The following ROBO2 variants were observed in gnomAD, a reference collection of about 807,000 sequenced individuals.
ROBO2 encodes the protein roundabout homolog 2.
Under a neutral mutation model 160.8 loss-of-function variants are expected in ROBO2, and 53 were observed. The ratio of observed to expected loss-of-function variants is 0.33; its 90% CI spans 0.26 to 0.41. ROBO2 has a LOEUF of 0.41. Ranked by LOEUF, ROBO2 falls within the 10% of genes least tolerant of loss-of-function variation. The probability of loss-of-function intolerance (pLI) is 1.00; values close to 1 mark genes in which losing one functional copy is unlikely to be tolerated. For synonymous variants in ROBO2, 664 were observed against 611.7 expected (o/e 1.09, Z -1.26); for missense variants, 1,577 against 1,722.4 (o/e 0.92, Z 1.49).
chr3:76,701,659 T>G (rs915590239), intron 2 of ROBO2, among the ~76,000 whole-genome samples: 1 of 152,042 alleles, frequency 6.6e-6, no homozygotes, highest in Non-Finnish European at 1.5e-5. Flanking sequence ...CCCAAATCAA[T>G]TCTGGCCCAA....
intron 2 of ROBO2, among the ~76,000 whole-genome samples, chr3:76,489,972 T>C (rs567053766): frequency 6.6e-6 from 1 of 152,262 alleles, no homozygotes; most frequent in Non-Finnish European, 1.5e-5. Context: ...ATTTCAAAAA[T>C]AAAACAAAAG....
At chr3:76,370,217 T>C (rs2076037473) in intron 2 of ROBO2, among the ~76,000 whole-genome samples, 1 of 151,910 alleles carries the variant, frequency 6.6e-6, no homozygotes, top group Admixed American at 6.6e-5. Context: ...CCCTGGGGCA[T>C]GCAAGATAAT....
chr3:76,047,164 AT>A lies in ROBO2; in HGVS notation c.109+109563del, dbSNP rs555893774. 1.5e-3 allele frequency among the ~76,000 whole-genome samples: 226 copies of A among 152,348 alleles called. 1 individual carries two copies. Among genetic ancestry groups the A allele is most frequent in the African/African-American group, 5.3e-3 (221 of 41,578 alleles). ...AAATAAGTAAGAATTAATACACTGT[AT>A]AATTCCTCAAGAGCTGAAACCTCCC... On this transcript the variant is annotated intron_variant, in intron 2 of 26. Coordinates refer to the ROBO2 transcript ENST00000487694.
intron 2 of ROBO2, among the ~76,000 whole-genome samples, chr3:76,165,039 T>C (rs1207282682): frequency 7.0e-6 from 1 of 142,732 alleles, no homozygotes; most frequent in Admixed American, 7.4e-5. Context: ...AAACCATATT[T>C]GACAACATAC....
At chr3:77,246,336 T>TGTGA (rs1438516801) in intron 2 of ROBO2, among the ~76,000 whole-genome samples, 1 of 151,348 alleles carries the variant, frequency 6.6e-6, no homozygotes, top group Non-Finnish European at 1.5e-5. Flanking sequence ...TATGTGTGTG[T>TGTGA]GTGTGTGTGT....
At chr3:77,354,575 T>C (rs2068801104) in intron 2 of ROBO2, among the ~76,000 whole-genome samples, 1 of 152,210 alleles carries the variant, frequency 6.6e-6, no homozygotes, top group Non-Finnish European at 1.5e-5. Flanking sequence ...GATTGTCAAC[T>C]GAAATGTCCA....
chr3:76,834,668 A>C (rs2067515534), intron 2 of ROBO2, among the ~76,000 whole-genome samples: 1 of 152,056 alleles, frequency 6.6e-6, no homozygotes, highest in African/African-American at 2.4e-5. Context: ...ATCTGGCCTA[A>C]TTTTTAAATT....
At chr3:76,612,034 A>G (rs2088169109) in intron 2 of ROBO2, among the ~76,000 whole-genome samples, 1 of 152,180 alleles carries the variant, frequency 6.6e-6, no homozygotes, top group Admixed American at 6.5e-5. Flanking sequence ...ATTCAGAAGC[A>G]TTGTTTAATT....
intron 2 of ROBO2, among the ~76,000 whole-genome samples, chr3:76,065,394 G>T (rs1280146246): frequency 6.6e-6 from 1 of 151,982 alleles, no homozygotes; most frequent in Non-Finnish European, 1.5e-5. Context: ...CTGTGTATAT[G>T]ATTCAAAAAT....
chr3:76,178,946 A>T (rs1418964860), intron 2 of ROBO2, among the ~76,000 whole-genome samples: 1 of 152,124 alleles, frequency 6.6e-6, no homozygotes, highest in Non-Finnish European at 1.5e-5. Flanking sequence ...CATCTCAAAA[A>T]TATAAATAAA....
rs530800379 is a variant in ROBO2, at chr3:77,396,088, C to T, written c.389-81326C>T. Among the ~76,000 whole-genome samples the T allele has an allele frequency of 4.6e-5, 7 of 151,576 alleles. No homozygotes were observed. In the East Asian group the frequency reaches 1.4e-3, roughly 29 times the overall value. ...AAACTTAAAAAAAAAAAGAAAAGCACTAGCCATTCTCACTTGCATCCATCC... is the reference window on the plus strand; with the variant it reads ...AAACTTAAAAAAAAAAAGAAAAGCATTAGCCATTCTCACTTGCATCCATCC... On this transcript the variant is annotated intron_variant, in intron 2 of 25. Coordinates refer to ENST00000461745, the Ensembl canonical transcript of ROBO2.
At chr3:77,154,413 T>C (rs2077803876) in intron 2 of ROBO2, among the ~76,000 whole-genome samples, 1 of 152,192 alleles carries the variant, frequency 6.6e-6, no homozygotes, top group East Asian at 1.9e-4. Context: ...ACATCCTTGG[T>C]GGGGATGTAA....
At chr3:76,937,843 CATCA>C (rs1218976914) in intron 2 of ROBO2, among the ~76,000 whole-genome samples, 1 of 152,110 alleles carries the variant, frequency 6.6e-6, no homozygotes, top group East Asian at 1.9e-4. Context: ...GCTGGATGGC[CATCA>C]TTGTACACAC....
At chr3:76,370,464 G>T (rs1309134696) in intron 2 of ROBO2, among the ~76,000 whole-genome samples, 1 of 151,890 alleles carries the variant, frequency 6.6e-6, no homozygotes, top group Admixed American at 6.6e-5. Flanking sequence ...CTCTTTCAGT[G>T]TATGGTAGTT....
intron 2 of ROBO2, among the ~76,000 whole-genome samples, chr3:77,160,007 G>C (rs2078343418): frequency 6.6e-6 from 1 of 152,046 alleles, no homozygotes; most frequent in African/African-American, 2.4e-5. Flanking sequence ...TAGTCTGGAA[G>C]TTAGCTGTAA....
At chr3:76,200,269 T>C (rs955350886) in intron 2 of ROBO2, among the ~76,000 whole-genome samples, 14 of 152,122 alleles carry the variant, frequency 9.2e-5, no homozygotes, top group African/African-American at 3.4e-4. Flanking sequence ...AGAAAAAGTA[T>C]GGTCAGTGCC....
chr3:76,114,544 C>T (rs1289314821), intron 2 of ROBO2, among the ~76,000 whole-genome samples: 1 of 151,890 alleles, frequency 6.6e-6, no homozygotes, highest in East Asian at 1.9e-4. Context: ...ATGTACTTTA[C>T]AGAAGGCCCT....
chr3:76,563,421 T>A (rs780526733), intron 2 of ROBO2, among the ~76,000 whole-genome samples: 6 of 152,214 alleles, frequency 3.9e-5, no homozygotes, highest in Admixed American at 1.3e-4. Context: ...GAGAATCTTG[T>A]AAATGTTTCT....
chr3:76,530,662 C>T (rs2082175072), intron 2 of ROBO2, among the ~76,000 whole-genome samples: 1 of 152,180 alleles, frequency 6.6e-6, no homozygotes, highest in African/African-American at 2.4e-5. Context: ...ATCAGTTAAG[C>T]TCACTTTGAC....
Sources: allele counts gnomAD v4.1 joint callset (sites outside exome capture counted in the v4.1 genomes callset), GRCh38; gene constraint gnomAD v4.1.1; transcripts MANE v1.5; gene names NCBI Gene and HGNC (gene_info 2026-07-23, HGNC 2026-07-21).